The following AGMO variants were observed in gnomAD, a reference collection of about 807,000 sequenced individuals.
AGMO encodes glyceryl-ether monooxygenase.
Under a neutral mutation model 60.2 loss-of-function variants are expected in AGMO, and 75 were observed. That is an observed-to-expected ratio of 1.25 (90% CI 1.03 to 1.51). AGMO has a LOEUF of 1.51. Ranked by LOEUF, AGMO falls within the 40% of genes most tolerant of loss-of-function variation. AGMO has a pLI of 0.00. For missense variants in AGMO, 763 were observed against 525.5 expected, an observed-to-expected ratio of 1.45 and a Z score of -4.42; for synonymous variants, 261 against 177.1, an observed-to-expected ratio of 1.47 and a Z score of -3.76.
intron 12 of AGMO, among the ~76,000 whole-genome samples, chr7:15,296,835 C>T (rs1352918939): frequency 2.6e-5 from 4 of 152,172 alleles, no homozygotes; most frequent in African/African-American, 7.2e-5. Context: ...TTTAGCTGAG[C>T]GGAAATTTGT....
rs574143422 is a variant in AGMO, at chr7:15,414,520, A to G, written c.609+4038T>C. Among the ~76,000 whole-genome samples, 648 of 151,792 alleles carry G rather than the reference A, an allele frequency of 4.3e-3. 4 individuals carry two copies. The highest frequency in any genetic ancestry group is 0.031 in the Middle Eastern group (9 of 294). On this transcript the variant is annotated intron_variant, in intron 5 of 12. Transcript: ENST00000342526. The stretch of plus-strand genomic sequence containing the variant: ...CACAAAGAGAGGGAGAAAGGTGGGG[A>G]GAGAGAGAGAGAAAACAAGTCAGTA...
the AGMO span, among the ~76,000 whole-genome samples, chr7:15,181,161 T>A: frequency 6.6e-6 from 1 of 152,292 alleles, no homozygotes; most frequent in East Asian, 1.9e-4. Context: ...GGAGAAGACA[T>A]TCAAACCATA....
At chr7:15,410,142 T>C (rs1247876446) in intron 5 of AGMO, among the ~76,000 whole-genome samples, 3 of 151,710 alleles carry the variant, frequency 2.0e-5, no homozygotes, top group Non-Finnish European at 4.4e-5. Context: ...CCTTTTAAAA[T>C]ATATTCTTCA....
intron 12 of AGMO, among the ~76,000 whole-genome samples, chr7:15,352,263 GCCTC>G (rs1782268427): frequency 6.6e-6 from 1 of 152,008 alleles, no homozygotes; most frequent in African/African-American, 2.4e-5. Context: ...ATATAAGATG[GCCTC>G]CCTACTTGTC....
intron 10 of AGMO, among the ~76,000 whole-genome samples, chr7:15,383,715 T>C (rs1783791527): frequency 6.6e-6 from 1 of 152,200 alleles, no homozygotes; most frequent in Non-Finnish European, 1.5e-5. Context: ...TGCCTATCAA[T>C]AATACACATT....
intron 12 of AGMO, among the ~76,000 whole-genome samples, chr7:15,318,309 G>T (rs10258596): frequency 0.58 from 88,821 of 151,860 alleles, 26,984 homozygotes; most frequent in African/African-American, 0.76. Flanking sequence ...CGTCCTACAT[G>T]TTTAAAAGAT....
chr7:15,260,099 T>C (rs1013292263), intron 12 of AGMO, among the ~76,000 whole-genome samples: 12 of 150,708 alleles, frequency 8.0e-5, no homozygotes, highest in Admixed American at 7.9e-4. Context: ...ATATTAAAAT[T>C]GAATTTAAAT....
At chr7:15,403,020 G>C (rs1338644935) in intron 5 of AGMO, among the ~76,000 whole-genome samples, 1 of 151,570 alleles carries the variant, frequency 6.6e-6, no homozygotes, top group East Asian at 1.9e-4. Flanking sequence ...AGAAAAAAAA[G>C]ATTTTACAAA....
At chr7:15,437,888 C>G (rs1781445488) in intron 3 of AGMO, among the ~76,000 whole-genome samples, 1 of 152,150 alleles carries the variant, frequency 6.6e-6, no homozygotes, top group Non-Finnish European at 1.5e-5. Context: ...GAGTAAGCTC[C>G]ATGAGTCTTT....
At chr7:15,223,040 C>G (rs4563782) in intron 12 of AGMO, among the ~76,000 whole-genome samples, 31,631 of 151,778 alleles carry the variant, frequency 0.21, 3,504 homozygotes, top group South Asian at 0.32. Flanking sequence ...ATATACTCAA[C>G]AATGAAGCAT....
chr7:15,272,529 T>C (rs1031076788), intron 12 of AGMO, among the ~76,000 whole-genome samples: 17 of 152,094 alleles, frequency 1.1e-4, no homozygotes, highest in Non-Finnish European at 2.4e-4. Flanking sequence ...CAGTCTATCA[T>C]TGATGGACAT....
At chr7:15,466,795 T>C (rs923180858) in intron 3 of AGMO, among the ~76,000 whole-genome samples, 1 of 152,176 alleles carries the variant, frequency 6.6e-6, no homozygotes, top group Non-Finnish European at 1.5e-5. Flanking sequence ...TGTGTCAGCA[T>C]TGGATAAATA....
At chr7:15,457,599 T>C (rs1782031750) in intron 3 of AGMO, among the ~76,000 whole-genome samples, 1 of 152,206 alleles carries the variant, frequency 6.6e-6, no homozygotes, top group South Asian at 2.1e-4. Flanking sequence ...CTTGCCATGG[T>C]AAATAATACT....
intron 12 of AGMO, among the ~76,000 whole-genome samples, chr7:15,346,988 C>CT (rs1435360059): frequency 6.6e-6 from 1 of 151,844 alleles, no homozygotes; most frequent in Non-Finnish European, 1.5e-5. Flanking sequence ...ATGAATCAAA[C>CT]TTTAAATGAT....
chr7:15,343,345 C>A (rs1364260238), intron 12 of AGMO, among the ~76,000 whole-genome samples: 1 of 152,072 alleles, frequency 6.6e-6, no homozygotes, highest in African/African-American at 2.4e-5. Flanking sequence ...TAATTATAGA[C>A]AACATTGTGT....
chr7:15,383,793 T>C (rs1783795406), intron 10 of AGMO, among the ~76,000 whole-genome samples: 1 of 152,178 alleles, frequency 6.6e-6, no homozygotes, highest in African/African-American at 2.4e-5. Flanking sequence ...TTCATTTAGG[T>C]TTTTTTCCCG....
chr7:15,196,467 G>A (rs1781119167), downstream of AGMO, among the ~76,000 whole-genome samples: 1 of 152,084 alleles, frequency 6.6e-6, no homozygotes, highest in Non-Finnish European at 1.5e-5. Context: ...TAACATCTTT[G>A]CTATAGAAAC....
At chr7:15,152,265 A>G in the AGMO span, among the ~76,000 whole-genome samples, 3 of 152,116 alleles carry the variant, frequency 2.0e-5, no homozygotes, top group African/African-American at 7.2e-5. Context: ...ATATTTGAAC[A>G]GACAGAAATT....
At chr7:15,123,237 C>T in the AGMO span, among the ~76,000 whole-genome samples, 24 of 152,036 alleles carry the variant, frequency 1.6e-4, no homozygotes, top group African/African-American at 1.7e-4. Flanking sequence ...CAACAGCTCA[C>T]CCCTGAAAAG....
Sources: allele counts gnomAD v4.1 joint callset (sites outside exome capture counted in the v4.1 genomes callset), GRCh38; gene constraint gnomAD v4.1.1; transcripts MANE v1.5; gene names NCBI Gene and HGNC (gene_info 2026-07-23, HGNC 2026-07-21).